The following DSTN variants were observed in gnomAD, a reference collection of about 807,000 sequenced individuals.
The protein encoded by DSTN is destrin, actin depolymerizing factor.
A neutral mutation model predicts 16.8 loss-of-function variants in DSTN; 10 were observed. The ratio of observed to expected loss-of-function variants is 0.60; its 90% CI spans 0.37 to 1.01. DSTN has a LOEUF of 1.01. DSTN is among the 50% of genes least tolerant of loss of function. The pLI is 0.01. For missense variants in DSTN, 141 were observed against 196.7 expected (o/e 0.72, Z 1.69); for synonymous variants, 57 against 58.9 (o/e 0.97, Z 0.14).
At chr20:17,593,626 T>C (rs1437440573) in intron 1 of DSTN, among the ~76,000 whole-genome samples, 1 of 152,196 alleles carries the variant, frequency 6.6e-6, no homozygotes, top group Non-Finnish European at 1.5e-5. Context: ...GCCAAAGAAC[T>C]GTAGGGAAGT....
At chr20:17,594,248 G>T (rs1050567246) in intron 1 of DSTN, among the ~76,000 whole-genome samples, 47 of 152,172 alleles carry the variant, frequency 3.1e-4, no homozygotes, top group African/African-American at 9.9e-4. Context: ...CAGTCTTGTT[G>T]TATTAGAACT....
chr20:17,570,165 C>T lies in DSTN; in HGVS notation c.-44C>T. ...GGAGGACGGTCTGCATACTCGCTGC[C>T]CGCCGGCTCCCTCCCCCGCGTCCCT... On this transcript the variant is annotated 5_prime_UTR_variant, in exon 1 of 4. Coordinates refer to ENST00000246069, the MANE Select transcript of DSTN (RefSeq NM_006870.4). The T allele has an allele frequency of 2.6e-6, 4 of 1,517,950 alleles. No homozygotes were observed. The highest frequency in any genetic ancestry group is 3.5e-6 in the Non-Finnish European group (4 of 1,136,958). 94.0% of individuals were successfully genotyped at this position (1,517,950 alleles called of 1,614,324 possible).
At chr20:17,578,100 C>A (rs1480356159) in intron 1 of DSTN, among the ~76,000 whole-genome samples, 1 of 152,176 alleles carries the variant, frequency 6.6e-6, no homozygotes. Flanking sequence ...GTGTGTGTAC[C>A]AACTAAATTC....
chr20:17,589,209 C>G (rs1361241457), intron 1 of DSTN, among the ~76,000 whole-genome samples: 5 of 151,828 alleles, frequency 3.3e-5, no homozygotes, highest in Admixed American at 3.3e-4. Context: ...CCTAACCCTC[C>G]CTCCCCCTAC....
At position 17,577,499 on chromosome 20, in the gene DSTN, G is replaced by A. The variant is rs149810783; in HGVS notation, c.3+7288G>A. 5.9e-3 allele frequency among the ~76,000 whole-genome samples: 892 copies of A among 151,964 alleles called. 23 individuals are homozygous for A. In the East Asian group the frequency reaches 0.08, roughly 14 times the overall value. ...GGAGAATTGCTTGAACCTGGGAGGCGGAGGTTGTGGTGAACCGAGATCACG... is the reference window on the plus strand; with the variant it reads ...GGAGAATTGCTTGAACCTGGGAGGCAGAGGTTGTGGTGAACCGAGATCACG... On this transcript the variant is annotated intron_variant, in intron 1 of 3. Transcript: ENST00000246069.
intron 1 of DSTN, among the ~76,000 whole-genome samples, chr20:17,572,680 G>T (rs2035220644): frequency 6.6e-6 from 1 of 152,160 alleles, no homozygotes; most frequent in Non-Finnish European, 1.5e-5. Context: ...CAGTGAAATA[G>T]GTTGGGCATG....
chr20:17,575,912 C>G (rs6131974), intron 1 of DSTN, among the ~76,000 whole-genome samples: 1 of 152,178 alleles, frequency 6.6e-6, no homozygotes, highest in Non-Finnish European at 1.5e-5. Context: ...AGATTTACAC[C>G]TAACACTTCA....
In DSTN at chr20:17,607,437, G is replaced by T; in HGVS notation, c.*291G>T. 3.5e-6 allele frequency: 1 copy of T among 286,430 alleles called. No individual in the cohort carries two copies. The highest frequency in any genetic ancestry group is 6.4e-6 in the Non-Finnish European group (1 of 155,802). 17.7% of individuals were successfully genotyped at this position (286,430 alleles called of 1,614,324 possible). A position where few individuals can be genotyped will look rare whatever the true frequency, so the allele number is the denominator to read the frequency against. Reference sequence around the variant, plus strand: ...AATTACACAGTTCACAAACAGTAAAGGCCATGTGAAGAGAATTATTACATC... The same window carrying T: ...AATTACACAGTTCACAAACAGTAAATGCCATGTGAAGAGAATTATTACATC... On this transcript the variant is annotated 3_prime_UTR_variant, in exon 4 of 4. Coordinates refer to ENST00000246069, the MANE Select transcript of DSTN (RefSeq NM_006870.4).
intron 1 of DSTN, among the ~76,000 whole-genome samples, chr20:17,577,533 C>A (rs1231007733): frequency 6.6e-6 from 1 of 150,616 alleles, no homozygotes; most frequent in Non-Finnish European, 1.5e-5. Context: ...CGCCACTGCA[C>A]TCCAGCCTGG....
intron 1 of DSTN, among the ~76,000 whole-genome samples, chr20:17,600,350 T>G (rs2035572946): frequency 6.6e-6 from 1 of 152,176 alleles, no homozygotes; most frequent in African/African-American, 2.4e-5. Flanking sequence ...CCAGCTACTG[T>G]GTATTACAAA....
At chr20:17,584,722 C>T (rs2035387621) in intron 1 of DSTN, among the ~76,000 whole-genome samples, 1 of 150,750 alleles carries the variant, frequency 6.6e-6, no homozygotes, top group South Asian at 2.1e-4. Context: ...AGATAAAAAT[C>T]AGTTATAGCC....
chr20:17,598,344 A>T (rs1026606610), intron 1 of DSTN, among the ~76,000 whole-genome samples: 3 of 152,214 alleles, frequency 2.0e-5, no homozygotes, highest in Non-Finnish European at 2.9e-5. Flanking sequence ...CCATGGCCCC[A>T]CAAACATTTG....
intron 1 of DSTN, among the ~76,000 whole-genome samples, chr20:17,585,441 A>G (rs568333288): frequency 1.1e-4 from 16 of 152,286 alleles, no homozygotes; most frequent in African/African-American, 3.6e-4. Context: ...GAGAACTAAG[A>G]CAGCTTGTTA....
At chr20:17,599,609 G>A (rs2035565131) in intron 1 of DSTN, 1 of 152,256 alleles carries the variant, frequency 6.6e-6, no homozygotes, top group Non-Finnish European at 1.5e-5. Flanking sequence ...AGTCGCAGTT[G>A]GTCATATTCC....
intron 1 of DSTN, among the ~76,000 whole-genome samples, chr20:17,589,210 C>T (rs1350632002): frequency 6.6e-6 from 1 of 151,790 alleles, no homozygotes; most frequent in Non-Finnish European, 1.5e-5. Context: ...CTAACCCTCC[C>T]TCCCCCTACT....
intron 1 of DSTN, among the ~76,000 whole-genome samples, chr20:17,577,559 C>A (rs1234559710): frequency 8.0e-6 from 1 of 124,870 alleles, no homozygotes; most frequent in Non-Finnish European, 1.6e-5. Context: ...AAAGCAAGAC[C>A]CTGTCTCAAA....
At chr20:17,580,506 T>C (rs555452962) in intron 1 of DSTN, among the ~76,000 whole-genome samples, 1 of 152,230 alleles carries the variant, frequency 6.6e-6, no homozygotes, top group East Asian at 1.9e-4. Context: ...CAGCACTTTG[T>C]GAGGCTGAGG....
Position 17,570,133 on chromosome 20 carries a change from G to T in DSTN, c.-76G>T. 7.3e-6 allele frequency: 11 copies of T among 1,511,152 alleles called. No individual in the cohort carries two copies. The highest frequency in any genetic ancestry group is 2.7e-5 in the East Asian group (1 of 36,424). 93.6% of individuals were successfully genotyped at this position (1,511,152 alleles called of 1,614,324 possible). ...CAGCGCTGGGTCTCTCGGTCCCGCA[G>T]CCGTGAGGAGGACGGTCTGCATACT... is the stretch of plus-strand genomic sequence containing the variant. On this transcript the variant is annotated 5_prime_UTR_variant, in exon 1 of 4. Transcript: ENST00000246069.
intron 1 of DSTN, among the ~76,000 whole-genome samples, chr20:17,587,440 C>T (rs2035423301): frequency 6.6e-6 from 1 of 152,020 alleles, no homozygotes; most frequent in South Asian, 2.1e-4. Flanking sequence ...GTCAGGCCCT[C>T]TTGTATGAAA....
Sources: allele counts gnomAD v4.1 joint callset (sites outside exome capture counted in the v4.1 genomes callset), GRCh38; gene constraint gnomAD v4.1.1; transcripts MANE v1.5; gene names NCBI Gene and HGNC (gene_info 2026-07-23, HGNC 2026-07-21).